The following PRKCH variants were observed in gnomAD, a reference collection of about 807,000 sequenced individuals.
The protein encoded by PRKCH is protein kinase C eta type.
Under a neutral mutation model 82.5 loss-of-function variants are expected in PRKCH, and 28 were observed. That is an observed-to-expected ratio of 0.34 (90% CI 0.25 to 0.47). The LOEUF (loss-of-function observed/expected upper bound fraction) is 0.47, where lower values mean the gene tolerates loss of function less well. Ranked by LOEUF, PRKCH falls within the 20% of genes least tolerant of loss-of-function variation. PRKCH has a pLI of 1.00. For missense variants in PRKCH, 705 were observed against 881.8 expected, an observed-to-expected ratio of 0.80 and a Z score of 2.54; for synonymous variants, 322 against 327.4, an observed-to-expected ratio of 0.98 and a Z score of 0.18.
At chr14:61,343,990 C>T (rs904269720) in intron 1 of PRKCH, among the ~76,000 whole-genome samples, 16 of 152,130 alleles carry the variant, frequency 1.1e-4, no homozygotes, top group Admixed American at 1.3e-4. Flanking sequence ...ATGACTTCCT[C>T]GATGGTGAAA....
At chr14:61,459,636 A>G (rs1329628832) in intron 9 of PRKCH, among the ~76,000 whole-genome samples, 3 of 152,198 alleles carry the variant, frequency 2.0e-5, no homozygotes, top group African/African-American at 7.2e-5. Flanking sequence ...AATTATGAAA[A>G]TCTAATTTCT....
At chr14:61,362,862 T>A (rs2046247896) in intron 1 of PRKCH, among the ~76,000 whole-genome samples, 1 of 152,176 alleles carries the variant, frequency 6.6e-6, no homozygotes, top group Admixed American at 6.5e-5. Context: ...GATGTGGACA[T>A]TGGCACAGGG....
chr14:61,228,941 A>G (rs752379503), intron 1 of PRKCH, among the ~76,000 whole-genome samples: 28 of 151,990 alleles, frequency 1.8e-4, no homozygotes, highest in Non-Finnish European at 3.2e-4. Flanking sequence ...TAATTAGAGT[A>G]TTGGGGCAGT....
chr14:61,335,187 G>A (rs527468424), intron 1 of PRKCH, among the ~76,000 whole-genome samples: 1 of 152,252 alleles, frequency 6.6e-6, no homozygotes, highest in African/African-American at 2.4e-5. Context: ...AAAGAGGGTG[G>A]TGGTATGAAA....
intron 1 of PRKCH, among the ~76,000 whole-genome samples, chr14:61,333,566 G>A (rs2140129720): frequency 6.6e-6 from 1 of 152,196 alleles, no homozygotes; most frequent in East Asian, 1.9e-4. Context: ...TCTTAAAAAT[G>A]TGTTCTCACT....
intron 1 of PRKCH, among the ~76,000 whole-genome samples, chr14:61,262,778 A>C (rs2045061140): frequency 6.6e-6 from 1 of 152,162 alleles, no homozygotes; most frequent in Non-Finnish European, 1.5e-5. Flanking sequence ...GAAATCAAAA[A>C]ATAGGGAAAA....
chr14:61,378,705 G>A (rs1038153977), intron 1 of PRKCH, among the ~76,000 whole-genome samples: 1 of 152,144 alleles, frequency 6.6e-6, no homozygotes, highest in African/African-American at 2.4e-5. Flanking sequence ...TGGAGTCCCT[G>A]TCTCAGTTAA....
At chr14:61,436,989 G>A (rs1039129035) in intron 2 of PRKCH, among the ~76,000 whole-genome samples, 7 of 152,160 alleles carry the variant, frequency 4.6e-5, no homozygotes, top group African/African-American at 1.7e-4. Flanking sequence ...TTAGTTACAG[G>A]ACTATATCTG....
At chr14:61,248,641 T>C (rs1385499428) in intron 1 of PRKCH, among the ~76,000 whole-genome samples, 1 of 152,176 alleles carries the variant, frequency 6.6e-6, no homozygotes, top group East Asian at 1.9e-4. Context: ...GGAATCAAAA[T>C]TAACAAAATT....
intron 7 of PRKCH, among the ~76,000 whole-genome samples, chr14:61,456,313 C>G (rs1452125201): frequency 6.6e-6 from 1 of 152,168 alleles, no homozygotes; most frequent in Non-Finnish European, 1.5e-5. Context: ...CCCTTAATTA[C>G]TCTGTTTTGA....
At chr14:61,470,382 C>G (rs941663889) in intron 9 of PRKCH, among the ~76,000 whole-genome samples, 6 of 152,076 alleles carry the variant, frequency 3.9e-5, no homozygotes, top group African/African-American at 1.4e-4. Flanking sequence ...CTGGCAGCCC[C>G]TGCATCAGGC....
intron 10 of PRKCH, among the ~76,000 whole-genome samples, chr14:61,496,421 C>T (rs1360487323): frequency 6.6e-6 from 1 of 152,212 alleles, no homozygotes; most frequent in African/African-American, 2.4e-5. Context: ...TGAGTTCCCT[C>T]ACCCATCAGG....
intron 10 of PRKCH, among the ~76,000 whole-genome samples, chr14:61,498,349 A>G (rs965196550): frequency 1.3e-5 from 2 of 152,114 alleles, no homozygotes; most frequent in Non-Finnish European, 2.9e-5. Context: ...ATGTGATACT[A>G]TGTTTTTCAA....
chr14:61,392,068 T>C (rs1341767070), intron 2 of PRKCH, among the ~76,000 whole-genome samples: 1 of 152,212 alleles, frequency 6.6e-6, no homozygotes, highest in East Asian at 1.9e-4. Flanking sequence ...AAGATTCATA[T>C]CATTGTGTAT....
intron 1 of PRKCH, among the ~76,000 whole-genome samples, chr14:61,287,038 A>C (rs1310762617): frequency 6.7e-6 from 1 of 149,940 alleles, no homozygotes; most frequent in Admixed American, 6.6e-5. Context: ...AAACCCCGTC[A>C]CTACTAAAAA....
At chr14:61,231,127 C>T (rs1026478209) in intron 1 of PRKCH, among the ~76,000 whole-genome samples, 1 of 152,200 alleles carries the variant, frequency 6.6e-6, no homozygotes, top group Admixed American at 6.5e-5. Context: ...TGGATGAGAT[C>T]TCTCCAACAC....
At chr14:61,294,715 C>A (rs188142957) in intron 1 of PRKCH, among the ~76,000 whole-genome samples, 2 of 151,866 alleles carry the variant, frequency 1.3e-5, no homozygotes, top group African/African-American at 4.8e-5. Context: ...GAATATTATG[C>A]GTTTTTTATT....
At chr14:61,335,277 C>T (rs916512407) in intron 1 of PRKCH, among the ~76,000 whole-genome samples, 2 of 151,914 alleles carry the variant, frequency 1.3e-5, no homozygotes, top group African/African-American at 4.8e-5. Flanking sequence ...ATCTCTACCC[C>T]CTTCAGTAAC....
chr14:61,516,189 C>T (rs534518915), intron 10 of PRKCH, among the ~76,000 whole-genome samples: 12 of 152,228 alleles, frequency 7.9e-5, no homozygotes, highest in Admixed American at 1.3e-4. Flanking sequence ...TTGAGGGAGG[C>T]AACTGTAAAA....
Sources: gnomAD v4.1 joint callset for allele counts (sites outside exome capture counted in the v4.1 genomes callset) on GRCh38, gnomAD v4.1.1 for gene constraint, MANE v1.5 for transcripts, NCBI Gene and HGNC (gene_info 2026-07-23, HGNC 2026-07-21) for gene names.